The following HYDIN variants were observed in gnomAD, a reference collection of about 807,000 sequenced individuals.
HYDIN encodes the protein HYDIN axonemal central pair apparatus protein.
HYDIN carries 132 observed loss-of-function variants against 403.9 expected under a neutral mutation model. The ratio of observed to expected loss-of-function variants is 0.33; its 90% CI spans 0.28 to 0.38. The LOEUF (loss-of-function observed/expected upper bound fraction) is 0.38. Among genes scored for constraint, HYDIN ranks in the 10% least tolerant of loss-of-function variants. The pLI, the probability that HYDIN is intolerant of heterozygous loss-of-function variation, is 1.00. For synonymous variants in HYDIN, 1,202 were observed against 1,891.7 expected, an observed-to-expected ratio of 0.64 and a Z score of 9.46; for missense variants, 2,827 against 5,009.5, an observed-to-expected ratio of 0.56 and a Z score of 13.15.
chr16:70,872,650 C>T (rs1379842442), intron 64 of HYDIN, among the ~76,000 whole-genome samples: 2 of 138,848 alleles, frequency 1.4e-5, no homozygotes, highest in African/African-American at 5.5e-5. Context: ...CGCATCCATC[C>T]ATCATCCACC....
At chr16:71,139,095 G>GAAAAA (rs71758936) in intron 7 of HYDIN, among the ~76,000 whole-genome samples, 7 of 103,810 alleles carry the variant, frequency 6.7e-5, no homozygotes, top group East Asian at 3.0e-4. Context: ...AAATAAAGAA[G>GAAAAA]AAAAAAAAAA....
In HYDIN at chr16:70,874,826, G is replaced by T; in HGVS notation, c.10651C>A (p.His3551Asn). The change falls in exon 63 of 86, where the codon CAT becomes AAT. Residue 3551 changes from histidine to asparagine, a missense_variant. Coordinates refer to ENST00000393567, the MANE Select transcript of HYDIN (RefSeq NM_001270974.2). ...YIYITEENKP[H>N]VKAKKAHTAS... ...CCCTCCCCACACTTACCTTTTACATGTGGTTTATTTTCCTCTGTGATGTAG... is the reference window on the plus strand; with the variant it reads ...CCCTCCCCACACTTACCTTTTACATTTGGTTTATTTTCCTCTGTGATGTAG... 2 of 1,613,766 alleles carry T rather than the reference G, an allele frequency of 1.2e-6. No individual in the cohort carries two copies. The highest frequency in any genetic ancestry group is 1.7e-6 in the Non-Finnish European group (2 of 1,179,862).
chr16:71,094,413 G>A (rs1015741826), intron 10 of HYDIN, among the ~76,000 whole-genome samples: 6 of 152,224 alleles, frequency 3.9e-5, no homozygotes, highest in Middle Eastern at 3.4e-3. Flanking sequence ...GTGAAAAAGG[G>A]CAAAGTACAA....
At chr16:71,183,910 T>A (rs1431448514) in intron 3 of HYDIN, among the ~76,000 whole-genome samples, 1 of 152,138 alleles carries the variant, frequency 6.6e-6, no homozygotes, top group African/African-American at 2.4e-5. Context: ...ACACTAGTAG[T>A]ACACATGAAA....
intron 8 of HYDIN, among the ~76,000 whole-genome samples, chr16:71,130,470 GTTTTTTTTTT>G (rs56853905): frequency 9.2e-5 from 7 of 75,822 alleles, no homozygotes; most frequent in East Asian, 9.7e-4. Context: ...ATATATACCG[GTTTTTTTTTT>G]TTTTTTTTTT....
In HYDIN at chr16:70,807,568, C is replaced by T. The variant is rs1157625616; in HGVS notation, c.*12G>A. ...CATAGCTTTTGGTTGATACAGGTAA[C>T]CCTGGTTACCACTAAAGGGTGATCC... On this transcript the variant is annotated 3_prime_UTR_variant, in exon 86 of 86. Transcript: ENST00000393567. 1 of 1,595,688 alleles carries T rather than the reference C, an allele frequency of 6.3e-7. No homozygotes were observed. The highest frequency in any genetic ancestry group is 8.5e-7 in the Non-Finnish European group (1 of 1,170,360).
chr16:70,973,093 T>G (rs1162246350), intron 35 of HYDIN, among the ~76,000 whole-genome samples: 2 of 152,200 alleles, frequency 1.3e-5, no homozygotes, highest in Non-Finnish European at 2.9e-5. Flanking sequence ...ACACACAGCA[T>G]GTAAGTGTGC....
rs7202861 is a variant in HYDIN, at chr16:71,074,724, A to G, written c.1738+5161T>C. ...AAAAACACCAAAAAAAAAAAAAAAA[A>G]AAAAGAAAAGAAAGTTTCAAATGCC... On this transcript the variant is annotated intron_variant, in intron 13 of 85. Coordinates refer to ENST00000393567, the MANE Select transcript of HYDIN (RefSeq NM_001270974.2). Among the ~76,000 whole-genome samples the G allele has an allele frequency of 2.0e-3, 306 of 150,880 alleles. 8 individuals are homozygous for G. The East Asian group carries it at 0.043, about 21-fold the overall frequency.
chr16:71,049,473 T>C (rs547690765), intron 18 of HYDIN, among the ~76,000 whole-genome samples: 1 of 152,292 alleles, frequency 6.6e-6, no homozygotes, highest in East Asian at 1.9e-4. Context: ...AATTTGATTC[T>C]GGATTAGTGG....
intron 18 of HYDIN, among the ~76,000 whole-genome samples, chr16:71,052,611 C>T (rs914560932): frequency 7.4e-6 from 1 of 134,320 alleles, no homozygotes; most frequent in Admixed American, 7.9e-5. Context: ...AATCCCAGCA[C>T]TGGCTGAGGC....
At chr16:71,175,018 T>C (rs961076005) in intron 5 of HYDIN, among the ~76,000 whole-genome samples, 2 of 151,962 alleles carry the variant, frequency 1.3e-5, no homozygotes, top group Non-Finnish European at 2.9e-5. Flanking sequence ...ATTCCTCTCG[T>C]GACTACCACC....
chr16:70,888,297 G>A (rs367983212), intron 58 of HYDIN, among the ~76,000 whole-genome samples: 22 of 152,302 alleles, frequency 1.4e-4, no homozygotes, highest in African/African-American at 5.1e-4. Flanking sequence ...GACATTTTGG[G>A]TGTTATGCTA....
At chr16:71,019,393 C>T (rs1268165489) in intron 22 of HYDIN, among the ~76,000 whole-genome samples, 4 of 152,274 alleles carry the variant, frequency 2.6e-5, no homozygotes, top group Admixed American at 6.5e-5. Context: ...TAGATGGTTT[C>T]GGTTGATAAA....
At chr16:70,900,922 G>C (rs1204681243) in intron 53 of HYDIN, 82 bp downstream of exon 53, 8 of 447,710 alleles carry the variant, frequency 1.8e-5, no homozygotes, top group South Asian at 1.7e-4. Context: ...CTCTGTGTGT[G>C]TGTGTGTGTG....
chr16:71,163,757 T>G (rs1177307558), intron 5 of HYDIN, among the ~76,000 whole-genome samples: 1 of 152,212 alleles, frequency 6.6e-6, no homozygotes, highest in Non-Finnish European at 1.5e-5. Context: ...CCCTACCTGA[T>G]GAGAGGGCCC....
chr16:70,872,647 A>G lies in HYDIN; in HGVS notation c.10949-468T>C, dbSNP rs1597182926. Among the ~76,000 whole-genome samples the G allele has an allele frequency of 2.4e-5, 3 of 122,662 alleles. No homozygotes were observed. In the South Asian group the frequency reaches 8.7e-4, roughly 35 times the overall value. 80.5% of individuals were successfully genotyped at this position (122,662 alleles called of 152,430 possible). A position where few individuals can be genotyped will look rare whatever the true frequency, so the allele number is the denominator to read the frequency against. ...CCATCATCCATCCACCCTCGCATCC[A>G]TCCATCATCCACCCATCCACCATCC... On this transcript the variant is annotated intron_variant, in intron 64 of 85. Transcript: ENST00000393567.
chr16:70,893,049 A>G (rs1290381888), intron 55 of HYDIN, among the ~76,000 whole-genome samples: 1 of 152,194 alleles, frequency 6.6e-6, no homozygotes, highest in Non-Finnish European at 1.5e-5. Context: ...CGTAGGCTCA[A>G]GATGTATCCC....
chr16:70,843,343 T>C (rs1484817897), intron 75 of HYDIN, among the ~76,000 whole-genome samples: 1 of 143,954 alleles, frequency 6.9e-6, no homozygotes, highest in East Asian at 2.1e-4. Context: ...ATTTCCAATT[T>C]CATCCATGTC....
intron 19 of HYDIN, among the ~76,000 whole-genome samples, chr16:71,030,238 A>AG (rs1418351047): frequency 2.0e-5 from 3 of 151,190 alleles, no homozygotes; most frequent in Admixed American, 1.3e-4. Context: ...TCGTAGAGAT[A>AG]GGGGGGTCTC....
Sources: gnomAD v4.1 joint callset for allele counts (sites outside exome capture counted in the v4.1 genomes callset) on GRCh38, gnomAD v4.1.1 for gene constraint, MANE v1.5 for transcripts, NCBI Gene and HGNC (gene_info 2026-07-23, HGNC 2026-07-21) for gene names.